The following CYBB variants were observed in gnomAD, a reference collection of about 807,000 sequenced individuals.
CYBB encodes cytochrome b-245 beta chain, also known as NADPH oxidase 2.
A neutral mutation model predicts 46.5 loss-of-function variants in CYBB; 5 were observed. That is an observed-to-expected ratio of 0.11 (90% CI 0.06 to 0.23). CYBB has a LOEUF of 0.23. Ranked by LOEUF, CYBB falls within the 10% of genes least tolerant of loss-of-function variation. The pLI is 1.00. For synonymous variants in CYBB, 183 were observed against 156.7 expected (o/e 1.17, Z -1.26); for missense variants, 307 against 428.3 (o/e 0.72, Z 2.50).
intron 1 of CYBB, among the ~76,000 whole-genome samples, chrX:37,780,494 C>T (rs34798967): frequency 0.025 from 2,762 of 111,156 alleles, 92 homozygotes; most frequent in African/African-American, 0.086. Flanking sequence ...AAATTTTATA[C>T]CATTTTCTAA....
Position 37,805,035 on chromosome X carries a change from C to T in CYBB, c.1181C>T (p.Ala394Val), listed in dbSNP as rs1159898408. The change falls in exon 10 of 13, where the codon GCC becomes GTC. Residue 394 changes from alanine to valine, a missense_variant. By Grantham distance (64) the Ala-to-Val change is moderately conservative. Around this residue, in one of 3 missense-constraint regions of CYBB, gnomAD observed 122 missense variants for 208.3 expected, o/e 0.59. Coordinates refer to ENST00000378588, the MANE Select transcript of CYBB (RefSeq NM_000397.4). ...KIAVDGPFGTASEDVFSYEVV... is the reference protein window; with the variant it reads ...KIAVDGPFGTVSEDVFSYEVV... ...GCGGTTGATGGGCCCTTTGGCACTG[C>T]CAGTGAAGATGTGTTCAGCTATGAG... 4 of 1,210,058 alleles carry T rather than the reference C, an allele frequency of 3.3e-6. No individual in the cohort carries two copies. The highest frequency in any genetic ancestry group is 4.5e-6 in the Non-Finnish European group (4 of 894,949).
intron 2 of CYBB, among the ~76,000 whole-genome samples, chrX:37,782,867 T>G (rs1602174626): frequency 8.9e-6 from 1 of 111,799 alleles, no homozygotes; most frequent in Non-Finnish European, 1.9e-5. Flanking sequence ...TTATGCTAGA[T>G]CATTATAATT....
In CYBB at chrX:37,812,266, A is replaced by T. The variant is rs1287995108; in HGVS notation, c.*1349A>T. 1 of 111,818 alleles carries T rather than the reference A, an allele frequency of 8.9e-6. No homozygotes were observed. The highest frequency in any genetic ancestry group is 1.9e-5 in the Non-Finnish European group (1 of 53,100). 9.2% of individuals were successfully genotyped at this position (111,818 alleles called of 1,213,427 possible). Reference sequence around the variant, plus strand: ...AGCAGGGTTTTCTTTTTGTTCTTAGAACTGCTCCCATTTCTGGGAACTAAA... The same window carrying T: ...AGCAGGGTTTTCTTTTTGTTCTTAGTACTGCTCCCATTTCTGGGAACTAAA... On this transcript the variant is annotated 3_prime_UTR_variant, in exon 13 of 13. Coordinates refer to ENST00000378588, the MANE Select transcript of CYBB (RefSeq NM_000397.4).
chrX:37,798,893 C>T (rs1348934822), intron 6 of CYBB, 62 bp from the exon 7 acceptor site: 1 of 1,096,262 alleles, frequency 9.1e-7, no homozygotes, highest in Non-Finnish European at 1.2e-6. Flanking sequence ...TATGCAGAAT[C>T]TTTTAATAAA....
intron 5 of CYBB, 111 bp downstream of exon 5, chrX:37,793,921 C>T (rs995452808): frequency 9.7e-5 from 67 of 694,203 alleles, no homozygotes; most frequent in Middle Eastern, 4.7e-4. Flanking sequence ...GTTGGCTAAC[C>T]ATCAGAGGGA....
At chrX:37,786,592 G>T (rs1556465591) in intron 3 of CYBB, among the ~76,000 whole-genome samples, 1 of 111,070 alleles carries the variant, frequency 9.0e-6, no homozygotes, top group Non-Finnish European at 1.9e-5. Flanking sequence ...GAAAGCCCCA[G>T]GGTTGCCCAC....
rs531159822 is a variant in CYBB at position 37,809,075 on chromosome X, C to T, written c.1462-492C>T. On this transcript the variant is annotated intron_variant, in intron 11 of 12. Coordinates refer to ENST00000378588, the MANE Select transcript of CYBB (RefSeq NM_000397.4). The stretch of plus-strand genomic sequence containing the variant: ...ACACACACACATACACACACACTAG[C>T]TTTAGGCTTGATTTGATGTCTTATG... Among the ~76,000 whole-genome samples the T allele has an allele frequency of 3.6e-5, 4 of 112,249 alleles. No individual in the cohort carries two copies. In the South Asian group the frequency reaches 1.5e-3, roughly 41 times the overall value.
Position 37,799,021 on chromosome X carries a change from A to C in CYBB, c.741A>C (p.Lys247Asn). 2 of 1,208,487 alleles carry C rather than the reference A, an allele frequency of 1.7e-6. No homozygotes were observed. Among genetic ancestry groups the C allele is most frequent in the South Asian group, 3.5e-5 (2 of 56,923 alleles). The change falls in exon 7 of 13, where the codon AAA becomes AAC. Residue 247 changes from lysine to asparagine, a missense_variant. By Grantham distance (94) the Lys-to-Asn change is moderately conservative. Coordinates refer to ENST00000378588, the MANE Select transcript of CYBB (RefSeq NM_000397.4). Reference sequence around the variant, plus strand: ...ATAATATAACAGTTTGTGAACAAAAAATCTCAGAATGGGGAAAAATAAAGG... The same window carrying C: ...ATAATATAACAGTTTGTGAACAAAACATCTCAGAATGGGGAAAAATAAAGG... ...AVHNITVCEQ[K>N]ISEWGKIKEC...
At chrX:37,784,222 T>C (rs1372960186) in intron 3 of CYBB, among the ~76,000 whole-genome samples, 1 of 112,089 alleles carries the variant, frequency 8.9e-6, no homozygotes, top group African/African-American at 3.2e-5. Flanking sequence ...TACAAATTTC[T>C]TACTAGTATT....
intron 10 of CYBB, among the ~76,000 whole-genome samples, chrX:37,805,852 T>C (rs1042785282): frequency 4.5e-5 from 5 of 112,090 alleles, no homozygotes; most frequent in African/African-American, 1.6e-4. Context: ...AAGGGCATCC[T>C]AAATAAACCT....
At chrX:37,790,175 TG>T (rs782026138) in intron 3 of CYBB, among the ~76,000 whole-genome samples, 8 of 112,122 alleles carry the variant, frequency 7.1e-5, no homozygotes, top group Non-Finnish European at 1.5e-4. Context: ...CAGAGTTCCC[TG>T]GTGTGATCGA....
At chrX:37,797,117 T>C (rs1005244510) in intron 6 of CYBB, among the ~76,000 whole-genome samples, 1 of 110,793 alleles carries the variant, frequency 9.0e-6, no homozygotes, top group Non-Finnish European at 1.9e-5. Flanking sequence ...GCCCAGTTGG[T>C]GGCCAAGACA....
Position 37,801,586 on chromosome X carries a change from T to TTGTGTGTGTGTGTGTGTGTG in CYBB, c.897+262_897+281dup, listed in dbSNP as rs58302662. On this transcript the variant is annotated intron_variant, in intron 8 of 12. Coordinates refer to ENST00000378588, the MANE Select transcript of CYBB (RefSeq NM_000397.4). ...TCTGGACATCAATCTCCCCCACCCA[T>TTGTGTGTGTGTGTGTGTGTG]TGTGTGTGTGTGTGTGTGTGTGTGT... Among the ~76,000 whole-genome samples, 71 of 84,568 alleles carry TTGTGTGTGTGTGTGTGTGTG rather than the reference T, an allele frequency of 8.4e-4. 1 individual carries two copies. The highest frequency in any genetic ancestry group is 1.5e-3 in the Non-Finnish European group (63 of 43,413). 73.4% of individuals were successfully genotyped at this position (84,568 alleles called of 115,157 possible).
intron 6 of CYBB, among the ~76,000 whole-genome samples, chrX:37,797,152 G>A (rs1929330477): frequency 9.0e-6 from 1 of 110,918 alleles, no homozygotes; most frequent in African/African-American, 3.3e-5. Context: ...GGGAAGGGTG[G>A]GGAAAGCTGC....
chrX:37,783,452 CA>C (rs782717709), intron 2 of CYBB, 37 bp from the exon 3 acceptor site: 2 of 999,478 alleles, frequency 2.0e-6, no homozygotes, highest in Admixed American at 4.4e-5. Context: ...ATTCTGTGCT[CA>C]AAAAAGTCAC....
chrX:37,800,472 T>C (rs1358422527), intron 7 of CYBB, among the ~76,000 whole-genome samples: 2 of 111,491 alleles, frequency 1.8e-5, no homozygotes, highest in Admixed American at 1.9e-4. Context: ...TGTGAGACTA[T>C]CGGAAGCACT....
chrX:37,809,508 A>G, intron 11 of CYBB, 59 bp from the exon 12 acceptor site: 5 of 1,150,323 alleles, frequency 4.3e-6, no homozygotes, highest in Non-Finnish European at 5.8e-6. Flanking sequence ...ATGTAAATAC[A>G]TTGTATGTGC....
chrX:37,799,957 C>T (rs1556469459), intron 7 of CYBB, among the ~76,000 whole-genome samples: 1 of 110,907 alleles, frequency 9.0e-6, no homozygotes. Flanking sequence ...TTTTTTCCTA[C>T]TCTCTTAGCA....
rs910359673 is a variant in CYBB, at chrX:37,813,204, C to A, written c.*2287C>A. On this transcript the variant is annotated 3_prime_UTR_variant, in exon 13 of 13. Coordinates refer to ENST00000378588, the MANE Select transcript of CYBB (RefSeq NM_000397.4). The stretch of plus-strand genomic sequence containing the variant: ...CAGCCACCAGCAGCCAGCTGCCAGC[C>A]TAGCTTTTTTTTTTTTTTTTTTTTT... 3 of 96,961 alleles carry A rather than the reference C, an allele frequency of 3.1e-5. No homozygotes were observed. The highest frequency in any genetic ancestry group is 4.1e-5 in the African/African-American group (1 of 24,194). 8.0% of individuals were successfully genotyped at this position (96,961 alleles called of 1,213,427 possible). A position where few individuals can be genotyped will look rare whatever the true frequency, so the allele number is the denominator to read the frequency against.
Sources: allele counts gnomAD v4.1 joint callset (sites outside exome capture counted in the v4.1 genomes callset), GRCh38; gene constraint gnomAD v4.1.1; regional missense constraint gnomAD v4.1.1; transcripts MANE v1.5; gene names NCBI Gene and HGNC (gene_info 2026-07-23, HGNC 2026-07-21).